Variants in ERBB4 observed in about 807,000 individuals in gnomAD.
ERBB4 encodes erb-b2 receptor tyrosine kinase 4.
Under a neutral mutation model 158.0 loss-of-function variants are expected in ERBB4, and 42 were observed. The observed-to-expected ratio is 0.27, with a 90% CI of 0.21 to 0.34. ERBB4 has a LOEUF of 0.34. Among genes scored for constraint, ERBB4 ranks in the 10% least tolerant of loss-of-function variants. The probability of loss-of-function intolerance (pLI) is 1.00; values close to 1 mark genes in which losing one functional copy is unlikely to be tolerated. For missense variants in ERBB4, 1,333 were observed against 1,624.1 expected, an observed-to-expected ratio of 0.82 and a Z score of 3.08; for synonymous variants, 583 against 558.7, an observed-to-expected ratio of 1.04 and a Z score of -0.61.
At chr2:212,320,842 T>G (rs1209406430) in intron 1 of ERBB4, among the ~76,000 whole-genome samples, 1 of 150,330 alleles carries the variant, frequency 6.7e-6, no homozygotes, top group African/African-American at 2.4e-5. Flanking sequence ...TACAGTAAAG[T>G]GCCTTGAAAA....
intron 20 of ERBB4, among the ~76,000 whole-genome samples, chr2:211,498,349 T>A (rs1022798299): frequency 2.6e-5 from 4 of 152,144 alleles, no homozygotes; most frequent in African/African-American, 9.6e-5. Flanking sequence ...AGTTACTTGT[T>A]TATTTCTCTG....
intron 2 of ERBB4, among the ~76,000 whole-genome samples, chr2:212,096,907 C>T (rs1000835023): frequency 6.6e-6 from 1 of 152,134 alleles, no homozygotes; most frequent in African/African-American, 2.4e-5. Context: ...ATTGATCCTA[C>T]TTCCATTGCT....
intron 3 of ERBB4, among the ~76,000 whole-genome samples, chr2:211,869,139 C>T (rs1247032952): frequency 1.3e-5 from 2 of 152,162 alleles, no homozygotes; most frequent in African/African-American, 4.8e-5. Context: ...TCCAGTCACA[C>T]CGAATGGCTT....
intron 20 of ERBB4, among the ~76,000 whole-genome samples, chr2:211,466,349 T>TA (rs58336651): frequency 9.3e-4 from 119 of 127,972 alleles, no homozygotes; most frequent in East Asian, 8.5e-3. Flanking sequence ...TTTTTTTTTT[T>TA]AAAAAAAAAA....
chr2:212,472,643 T>C (rs1689173817), intron 1 of ERBB4, among the ~76,000 whole-genome samples: 1 of 151,878 alleles, frequency 6.6e-6, no homozygotes, highest in Non-Finnish European at 1.5e-5. Context: ...CGTAAAGGAA[T>C]AGTTTGTTTT....
intron 19 of ERBB4, among the ~76,000 whole-genome samples, chr2:211,571,561 G>A (rs1186402454): frequency 6.6e-6 from 1 of 152,118 alleles, no homozygotes; most frequent in Non-Finnish European, 1.5e-5. Context: ...TTTCTGAGCA[G>A]AAACTAATAA....
At chr2:211,574,607 C>T (rs1026510923) in intron 19 of ERBB4, among the ~76,000 whole-genome samples, 6 of 152,130 alleles carry the variant, frequency 3.9e-5, no homozygotes, top group Non-Finnish European at 8.8e-5. Context: ...TCTTAGCAAG[C>T]TCCAACATGG....
chr2:212,396,191 T>C (rs1328925304), intron 1 of ERBB4, among the ~76,000 whole-genome samples: 1 of 152,192 alleles, frequency 6.6e-6, no homozygotes, highest in East Asian at 1.9e-4. Context: ...TTAAAATGCT[T>C]TAATGAACTC....
At chr2:211,823,640 G>C (rs1306473357) in intron 3 of ERBB4, among the ~76,000 whole-genome samples, 1 of 151,844 alleles carries the variant, frequency 6.6e-6, no homozygotes, top group East Asian at 1.9e-4. Context: ...TGCTATTGTG[G>C]TAAATTCAAT....
At chr2:212,344,261 G>T (rs1243218426) in intron 1 of ERBB4, among the ~76,000 whole-genome samples, 2 of 152,134 alleles carry the variant, frequency 1.3e-5, no homozygotes, top group African/African-American at 4.8e-5. Context: ...TTGTTGTGGG[G>T]ACTATCCTGT....
intron 16 of ERBB4, among the ~76,000 whole-genome samples, chr2:211,656,039 AAATAT>A (rs1255414357): frequency 6.6e-6 from 1 of 152,234 alleles, no homozygotes; most frequent in Non-Finnish European, 1.5e-5. Flanking sequence ...TGAATCTCAT[AAATAT>A]AATATTTCAC....
At chr2:211,978,396 G>GTCTGTCTGTCTGTCTATCTA (rs77259627) in intron 2 of ERBB4, among the ~76,000 whole-genome samples, 137 of 136,640 alleles carry the variant, frequency 1.0e-3, no homozygotes, top group African/African-American at 3.0e-3. Context: ...CTGTCTGTCT[G>GTCTGTCTGTCTGTCTATCTA]TCTATCTATC....
intron 2 of ERBB4, among the ~76,000 whole-genome samples, chr2:212,122,282 C>A (rs2079779129): frequency 6.6e-6 from 1 of 151,730 alleles, no homozygotes; most frequent in African/African-American, 2.4e-5. Flanking sequence ...CTTGGGATTG[C>A]AGATATGTTT....
chr2:212,398,478 C>T lies in ERBB4; in HGVS notation c.82+139971G>A, dbSNP rs139582866. Among the ~76,000 whole-genome samples the T allele has an allele frequency of 3.8e-3, 585 of 152,116 alleles. 7 individuals are homozygous for T. The highest frequency in any genetic ancestry group is 0.013 in the African/African-American group (536 of 41,506). On this transcript the variant is annotated intron_variant, in intron 1 of 27. Transcript: ENST00000342788. ...GATCAATAGTTCATCCTAACAAACA[C>T]GCTCATCCAAAATGCCAACATGATC... is the stretch of plus-strand genomic sequence containing the variant.
At chr2:211,981,325 G>A (rs1286284408) in intron 2 of ERBB4, among the ~76,000 whole-genome samples, 5 of 152,072 alleles carry the variant, frequency 3.3e-5, no homozygotes, top group Non-Finnish European at 7.4e-5. Flanking sequence ...TCGATTAAAA[G>A]GTATATACAG....
intron 20 of ERBB4, among the ~76,000 whole-genome samples, chr2:211,540,186 A>AT (rs1444481641): frequency 1.2e-5 from 1 of 84,648 alleles, no homozygotes; most frequent in East Asian, 5.3e-4. Context: ...GACCTACATG[A>AT]TTTATATATA....
At chr2:212,418,551 G>T (rs1160376914) in intron 1 of ERBB4, among the ~76,000 whole-genome samples, 1 of 150,096 alleles carries the variant, frequency 6.7e-6, no homozygotes, top group Non-Finnish European at 1.5e-5. Context: ...ATATATATAT[G>T]TATATTTGAA....
rs763295228 is a variant in ERBB4, at chr2:211,420,421, T to G, written c.3135+20A>C. 7.2e-5 allele frequency: 108 copies of G among 1,507,292 alleles called. No homozygotes were observed. The Admixed American group carries it at 1.8e-3, about 25-fold the overall frequency. 93.4% of individuals were successfully genotyped at this position (1,507,292 alleles called of 1,614,324 possible). On this transcript the variant is annotated intron_variant, in intron 25 of 27. Transcript: ENST00000342788. ...TATATCTCAGAAAGAATATGATATGTGTATATAATTATTTCTTACCCTATT... is the reference window on the plus strand; with the variant it reads ...TATATCTCAGAAAGAATATGATATGGGTATATAATTATTTCTTACCCTATT...
intron 20 of ERBB4, among the ~76,000 whole-genome samples, chr2:211,526,488 G>A (rs534950922): frequency 1.0e-3 from 155 of 152,136 alleles, no homozygotes; most frequent in African/African-American, 3.5e-3. Flanking sequence ...GTGAATACCT[G>A]GAGAACCTTC....
Sources: gnomAD v4.1 joint callset for allele counts (sites outside exome capture counted in the v4.1 genomes callset) on GRCh38, gnomAD v4.1.1 for gene constraint, MANE v1.5 for transcripts, NCBI Gene and HGNC (gene_info 2026-07-23, HGNC 2026-07-21) for gene names.